The following SLC22A2 variants were observed in gnomAD, a reference collection of about 807,000 sequenced individuals.
The protein encoded by SLC22A2 is organic cation transporter 2.
In SLC22A2, 46 loss-of-function variants were observed where a neutral mutation model predicts 60.5. That is an observed-to-expected ratio of 0.76 (90% confidence interval 0.60 to 0.97). The LOEUF is 0.97. SLC22A2 is among the 50% of genes least tolerant of loss of function. SLC22A2 has a pLI of 0.00. For missense variants in SLC22A2, 701 were observed against 706.6 expected, an observed-to-expected ratio of 0.99 and a Z score of 0.09; for synonymous variants, 303 against 267.0, an observed-to-expected ratio of 1.13 and a Z score of -1.31.
intron 2 of SLC22A2, among the ~76,000 whole-genome samples, chr6:160,255,390 A>G (rs1224713827): frequency 6.6e-6 from 1 of 152,198 alleles, no homozygotes; most frequent in African/African-American, 2.4e-5. Flanking sequence ...ACACATTTGC[A>G]AGTTTTAATT....
intron 5 of SLC22A2, among the ~76,000 whole-genome samples, chr6:160,246,804 A>C (rs1194923161): frequency 6.6e-6 from 1 of 152,192 alleles, no homozygotes. Flanking sequence ...CTAAGAAATC[A>C]TGTGTGTTTA....
At chr6:160,253,905 C>A (rs1425311451) in intron 2 of SLC22A2, among the ~76,000 whole-genome samples, 1 of 152,172 alleles carries the variant, frequency 6.6e-6, no homozygotes, top group African/African-American at 2.4e-5. Flanking sequence ...TACACCAGAG[C>A]AATCAATAAA....
At position 160,243,758 on chromosome 6, in the gene SLC22A2, G is replaced by A. The variant is rs770726619; in HGVS notation, c.1093C>T (p.Leu365Phe). The A allele has an allele frequency of 6.2e-7, 1 of 1,613,830 alleles. No homozygotes were observed. The highest frequency in any genetic ancestry group is 8.5e-7 in the Non-Finnish European group (1 of 1,179,906). The change falls in exon 7 of 11, where the codon CTC (leucine) becomes TTC (phenylalanine). Residue 365 changes from leucine to phenylalanine, a missense_variant. Physicochemically the swap from Leu to Phe is conservative, Grantham distance 22. Coordinates refer to ENST00000366953, the MANE Select transcript of SLC22A2 (RefSeq NM_003058.4). Reference sequence around the variant, plus strand: ...CCTGCAAGGCCCATGTGCATGATGAGGCCCTGGTAGAGCACAGAGCTCGTG... The same window carrying A: ...CCTGCAAGGCCCATGTGCATGATGAAGCCCTGGTAGAGCACAGAGCTCGTG... ...WFTSSVLYQGLIMHMGLAGDN... is the reference protein window; with the variant it reads ...WFTSSVLYQGFIMHMGLAGDN...
intron 10 of SLC22A2, among the ~76,000 whole-genome samples, chr6:160,224,155 A>G (rs1782686638): frequency 6.6e-6 from 1 of 152,220 alleles, no homozygotes; most frequent in East Asian, 1.9e-4. Context: ...AAGTAATTTT[A>G]GTTTTGACAA....
intron 1 of SLC22A2, chr6:160,258,096 T>C (rs1783304590): frequency 2.0e-6 from 1 of 503,830 alleles, no homozygotes; most frequent in African/African-American, 2.0e-5. Context: ...GCCTGTTCCT[T>C]ATTGCTGGGA....
In SLC22A2 at chr6:160,224,744, G is replaced by A. The variant is rs1489388263; in HGVS notation, c.1562C>T (p.Ala521Val). 1 of 1,606,840 alleles carries A rather than the reference G, an allele frequency of 6.2e-7. No homozygotes were observed. The highest frequency in any genetic ancestry group is 2.2e-5 in the East Asian group (1 of 44,662). Residue 521 changes from alanine to valine, a missense_variant, in exon 10 of 11, where the codon GCT becomes GTT. By Grantham distance (64) the Ala-to-Val change is moderately conservative. Transcript: ENST00000366953. ...VLLLPETKGK[A>V]LPETIEEAEN... ...GGCTTCCTCGATGGTCTCAGGCAAA[G>A]CTTTCCCTTTAGTTTCTGGAAGCAA... is the stretch of plus-strand genomic sequence containing the variant.
At chr6:160,248,962 A>G (rs1332992167) in intron 4 of SLC22A2, among the ~76,000 whole-genome samples, 3 of 152,208 alleles carry the variant, frequency 2.0e-5, no homozygotes, top group African/African-American at 4.8e-5. Context: ...TTAAACACCA[A>G]ATAAATAATG....
chr6:160,236,500 T>C (rs898700728), intron 9 of SLC22A2, among the ~76,000 whole-genome samples: 3 of 152,206 alleles, frequency 2.0e-5, no homozygotes, highest in Non-Finnish European at 2.9e-5. Flanking sequence ...ATTTGAAAAT[T>C]ATTTGTGAGT....
intron 1 of SLC22A2, chr6:160,258,053 T>C: frequency 8.1e-6 from 3 of 368,428 alleles, no homozygotes; most frequent in Non-Finnish European, 1.5e-5. Context: ...ATCCCTATCT[T>C]GGCAACATTT....
chr6:160,242,426 T>G, intron 7 of SLC22A2, 24 bp from the exon 8 acceptor site: 2 of 1,227,730 alleles, frequency 1.6e-6, no homozygotes, highest in Non-Finnish European at 2.4e-6. Flanking sequence ...GAACAGTACT[T>G]ATCCGTACAC....
In SLC22A2 at chr6:160,216,865, G is replaced by A. The variant is rs1782546407; in HGVS notation, c.*567C>T. 2 of 151,996 alleles carry A rather than the reference G, an allele frequency of 1.3e-5. No homozygotes were observed. The highest frequency in any genetic ancestry group is 2.9e-5 in the Non-Finnish European group (2 of 68,010). The allele number at this position is 151,996 out of a possible 1,614,324, so 9.4% of individuals were successfully genotyped here. ...ATGGAAGGACCTCATGATCACTTAA[G>A]TTGTATTCCTGATTCTTTTATTTGA... On this transcript the variant is annotated 3_prime_UTR_variant, in exon 11 of 11. Transcript: ENST00000366953.
Position 160,249,216 on chromosome 6 carries a change from C to A in SLC22A2, c.842G>T (p.Trp281Leu), listed in dbSNP as rs751798760. The A allele has an allele frequency of 6.3e-6, 10 of 1,582,226 alleles. No homozygotes were observed. Among genetic ancestry groups the A allele is most frequent in the Non-Finnish European group, 8.6e-7 (1 of 1,164,256 alleles). Residue 281 changes from tryptophan (W) to leucine (L), a missense_variant and splice_region_variant, in exon 4 of 11, where the codon TGG becomes TTG. Physicochemically the swap from Trp to Leu is moderately conservative, Grantham distance 61. Coordinates refer to ENST00000366953, the MANE Select transcript of SLC22A2 (RefSeq NM_003058.4). ...LPNFFFLLYY[W>L]CIPESPRWLI... ...TCCTTTTTATTCCAAATGGACTTAC[C>A]AGTAATAGAGCAAGAAGAAGAAGTT...
chr6:160,256,551 G>A (rs532739384), intron 2 of SLC22A2, 63 bp downstream of exon 2: 3 of 1,064,142 alleles, frequency 2.8e-6, no homozygotes, highest in South Asian at 2.5e-5. Context: ...AGGGGCAGGT[G>A]CATCCAAGTG....
At chr6:160,257,702 TC>T (rs1193040167) in intron 1 of SLC22A2, 1 of 152,178 alleles carries the variant, frequency 6.6e-6, no homozygotes, top group East Asian at 1.9e-4. Context: ...GTAACTTAAT[TC>T]CCCTATTTTG....
In SLC22A2 at chr6:160,232,632, G is replaced by A. The variant is rs533320570; in HGVS notation, c.1502-7828C>T. Among the ~76,000 whole-genome samples, 9 of 151,548 alleles carry A rather than the reference G, an allele frequency of 5.9e-5. No homozygotes were observed. The South Asian group carries it at 1.7e-3, about 28-fold the overall frequency. ...CCAAAGGAAGCTGGAGTCATTCACT[G>A]CAAAGGCCATCAAAAGGCACCAGAT... On this transcript the variant is annotated intron_variant, in intron 9 of 10. Coordinates refer to ENST00000366953, the MANE Select transcript of SLC22A2 (RefSeq NM_003058.4).
intron 3 of SLC22A2, among the ~76,000 whole-genome samples, chr6:160,249,687 C>T (rs1562437912): frequency 6.6e-6 from 1 of 152,140 alleles, no homozygotes. Flanking sequence ...AAGATTTTGA[C>T]CTAGAGTAGT....
At chr6:160,220,920 A>G (rs1782633762) in intron 10 of SLC22A2, among the ~76,000 whole-genome samples, 1 of 152,212 alleles carries the variant, frequency 6.6e-6, no homozygotes, top group Non-Finnish European at 1.5e-5. Context: ...TAGATTTAGC[A>G]TAATTCTTAG....
At chr6:160,227,233 T>C (rs1782738580) in intron 9 of SLC22A2, among the ~76,000 whole-genome samples, 1 of 152,194 alleles carries the variant, frequency 6.6e-6, no homozygotes, top group Admixed American at 6.5e-5. Context: ...TTGCCATTGA[T>C]TTTCTCAAAG....
chr6:160,241,635 A>C (rs1290824698), intron 8 of SLC22A2, 49 bp from the exon 9 acceptor site: 1 of 1,167,376 alleles, frequency 8.6e-7, no homozygotes. Flanking sequence ...ACAGTGCAGT[A>C]GTTATCTCCC....
Sources: gnomAD v4.1 joint callset for allele counts (sites outside exome capture counted in the v4.1 genomes callset) on GRCh38, gnomAD v4.1.1 for gene constraint, MANE v1.5 for transcripts, NCBI Gene and HGNC (gene_info 2026-07-23, HGNC 2026-07-21) for gene names.